The following PRIM2 variants were observed in gnomAD, a reference collection of about 807,000 sequenced individuals.
PRIM2 encodes the protein DNA primase subunit 2.
PRIM2 carries 39 observed loss-of-function variants against 67.3 expected under a neutral mutation model. The observed-to-expected ratio is 0.58, with a 90% CI of 0.45 to 0.76. The LOEUF is 0.76. Ranked by LOEUF, PRIM2 falls within the 30% of genes least tolerant of loss-of-function variation. The probability of loss-of-function intolerance (pLI) is 0.00; values close to 1 mark genes in which losing one functional copy is unlikely to be tolerated. For synonymous variants in PRIM2, 143 were observed against 198.7 expected, an observed-to-expected ratio of 0.72 and a Z score of 2.36; for missense variants, 398 against 598.7, an observed-to-expected ratio of 0.66 and a Z score of 3.50.
chr6:57,251,077 G>T, the PRIM2 span, among the ~76,000 whole-genome samples: 1 of 152,172 alleles, frequency 6.6e-6, no homozygotes, highest in African/African-American at 2.4e-5. Context: ...CTTCCTCCCA[G>T]CCATGTCTTC....
intron 12 of PRIM2, among the ~76,000 whole-genome samples, chr6:57,623,421 T>C (rs1354370050): frequency 3.3e-5 from 5 of 152,198 alleles, no homozygotes; most frequent in Non-Finnish European, 7.4e-5. Flanking sequence ...TTAAAACTTA[T>C]ATTCATTAAA....
the PRIM2 span, among the ~76,000 whole-genome samples, chr6:57,276,267 G>C: frequency 2.0e-5 from 3 of 152,066 alleles, no homozygotes; most frequent in African/African-American, 4.8e-5. Flanking sequence ...GCTCACGTCT[G>C]TAATCCCAGC....
intron 7 of PRIM2, among the ~76,000 whole-genome samples, chr6:57,425,664 T>C (rs1247105140): frequency 2.6e-5 from 4 of 152,290 alleles, no homozygotes; most frequent in African/African-American, 9.6e-5. Context: ...ACTGTAGTAA[T>C]AATCCTCAGA....
chr6:57,278,285 C>T, the PRIM2 span, among the ~76,000 whole-genome samples: 1 of 152,056 alleles, frequency 6.6e-6, no homozygotes, highest in Admixed American at 6.6e-5. Flanking sequence ...CGAGATTGCA[C>T]CTCTGCACTA....
intron 7 of PRIM2, among the ~76,000 whole-genome samples, chr6:57,410,949 A>C (rs1187282075): frequency 1.3e-5 from 2 of 150,422 alleles, no homozygotes; most frequent in African/African-American, 2.5e-5. Flanking sequence ...TATCAATGTG[A>C]TATAGCTTGG....
At chr6:57,265,058 G>A in the PRIM2 span, among the ~76,000 whole-genome samples, 19 of 152,274 alleles carry the variant, frequency 1.2e-4, no homozygotes, top group Admixed American at 1.1e-3. Flanking sequence ...TGTGATTAAT[G>A]TATGTGAAAG....
chr6:57,439,404 GTTTTTTTTTTTTTTTT>G lies in PRIM2; in HGVS notation c.693+57250_693+57265del, dbSNP rs149436085. Among the ~76,000 whole-genome samples, 213 of 57,080 alleles carry G rather than the reference GTTTTTTTTTTTTTTTT, an allele frequency of 3.7e-3. 1 individual carries two copies. The highest frequency in any genetic ancestry group is 0.011 in the African/African-American group (201 of 17,878). 37.4% of individuals were successfully genotyped at this position (57,080 alleles called of 152,430 possible). The stretch of plus-strand genomic sequence containing the variant: ...CATGAGCTTTGAGTAGAGGTACTCT[GTTTTTTTTTTTTTTTT>G]TTTTTTTTTTTTTGAGACAGAGTCT... On this transcript the variant is annotated intron_variant, in intron 7 of 13. Coordinates refer to ENST00000615550, the MANE Select transcript of PRIM2 (RefSeq NM_000947.5).
chr6:57,251,788 T>C, the PRIM2 span, among the ~76,000 whole-genome samples: 3 of 152,210 alleles, frequency 2.0e-5, no homozygotes, highest in African/African-American at 7.2e-5. Context: ...CTTTATTATT[T>C]TCTCATGAGA....
Position 57,373,738 on chromosome 6 carries a change from TTGA to T in PRIM2, c.460-6158_460-6156del, listed in dbSNP as rs549903672. Among the ~76,000 whole-genome samples, 21 of 152,302 alleles carry T rather than the reference TTGA, an allele frequency of 1.4e-4. No homozygotes were observed. The South Asian group carries it at 4.1e-3, about 30-fold the overall frequency. On this transcript the variant is annotated intron_variant, in intron 5 of 13. Transcript: ENST00000615550. ...CTGTTGCTTGTTTTTGTTAGGTTTG[TTGA>T]TGATCAAGTGTTGTAGGCATGCAGT... is the stretch of plus-strand genomic sequence containing the variant.
the PRIM2 span, among the ~76,000 whole-genome samples, chr6:57,274,943 A>ATTTTTTTTTTT: frequency 1.0e-4 from 14 of 137,384 alleles, no homozygotes; most frequent in African/African-American, 3.4e-4. Context: ...CACCTGGCTA[A>ATTTTTTTTTTT]TTTTTTTTTT....
the PRIM2 span, chr6:57,221,690 C>T: frequency 6.6e-6 from 1 of 152,326 alleles, no homozygotes; most frequent in African/African-American, 2.4e-5. Context: ...CGCTCCACCC[C>T]TCTTTCCCGC....
chr6:57,272,916 G>A, the PRIM2 span, among the ~76,000 whole-genome samples: 1 of 152,162 alleles, frequency 6.6e-6, no homozygotes, highest in East Asian at 1.9e-4. Context: ...GAAATTCTGG[G>A]TTGAAAATTC....
chr6:57,519,091 G>A (rs1554348582), intron 8 of PRIM2, among the ~76,000 whole-genome samples: 1 of 152,196 alleles, frequency 6.6e-6, no homozygotes, highest in Non-Finnish European at 1.5e-5. Context: ...TTTCAAAAGG[G>A]GAGGGAGTGT....
chr6:57,581,590 A>G (rs1156355809), intron 10 of PRIM2, among the ~76,000 whole-genome samples: 2 of 152,238 alleles, frequency 1.3e-5, no homozygotes, highest in East Asian at 3.8e-4. Context: ...GTGTCTGAAC[A>G]GATAGCTGAT....
At chr6:57,264,685 C>A in the PRIM2 span, among the ~76,000 whole-genome samples, 1 of 151,488 alleles carries the variant, frequency 6.6e-6, no homozygotes, top group African/African-American at 2.4e-5. Context: ...CAACCTCCCC[C>A]TCCTGAGTTC....
At chr6:57,622,602 T>C (rs1776879214) in intron 12 of PRIM2, among the ~76,000 whole-genome samples, 1 of 152,242 alleles carries the variant, frequency 6.6e-6, no homozygotes, top group Non-Finnish European at 1.5e-5. Context: ...TTTTTATTTC[T>C]CATTTTAGTT....
intron 5 of PRIM2, among the ~76,000 whole-genome samples, chr6:57,379,122 T>C (rs1769871258): frequency 8.4e-6 from 1 of 118,980 alleles, no homozygotes; most frequent in Non-Finnish European, 1.7e-5. Flanking sequence ...TTTTAACTTT[T>C]ACCATTTTGA....
At chr6:57,415,081 G>T (rs1178235540) in intron 7 of PRIM2, among the ~76,000 whole-genome samples, 1 of 151,976 alleles carries the variant, frequency 6.6e-6, no homozygotes, top group Admixed American at 6.6e-5. Context: ...TCTTCTACTT[G>T]ACATGAACAA....
At chr6:57,303,795 G>A in the PRIM2 span, among the ~76,000 whole-genome samples, 1 of 151,960 alleles carries the variant, frequency 6.6e-6, no homozygotes, top group African/African-American at 2.4e-5. Flanking sequence ...TTGTTTGTTT[G>A]TTTCTGTTTT....
Sources: gnomAD v4.1 joint callset for allele counts (sites outside exome capture counted in the v4.1 genomes callset) on GRCh38, gnomAD v4.1.1 for gene constraint, MANE v1.5 for transcripts, NCBI Gene and HGNC (gene_info 2026-07-23, HGNC 2026-07-21) for gene names.